The following FERMT2 variants were observed in gnomAD, a reference collection of about 807,000 sequenced individuals.
FERMT2 encodes the protein FERM domain containing kindlin 2.
Under a neutral mutation model 82.7 loss-of-function variants are expected in FERMT2, and 15 were observed. The ratio of observed to expected loss-of-function variants is 0.18; its 90% CI spans 0.12 to 0.28. The LOEUF (loss-of-function observed/expected upper bound fraction) is 0.28, where lower values mean the gene tolerates loss of function less well. Among genes scored for constraint, FERMT2 ranks in the 10% least tolerant of loss-of-function variants. The pLI is 1.00. For synonymous variants in FERMT2, 274 were observed against 271.5 expected, an observed-to-expected ratio of 1.01 and a Z score of -0.09; for missense variants, 645 against 809.4, an observed-to-expected ratio of 0.80 and a Z score of 2.46.
At chr14:52,945,876 AC>A (rs1378199906) in intron 2 of FERMT2, among the ~76,000 whole-genome samples, 3 of 152,216 alleles carry the variant, frequency 2.0e-5, no homozygotes, top group African/African-American at 7.2e-5. Context: ...AAAAAGTGAT[AC>A]TAAAACTCAG....
At chr14:52,927,982 T>C (rs2139665591) in intron 2 of FERMT2, 2 of 375,430 alleles carry the variant, frequency 5.3e-6, no homozygotes, top group Non-Finnish European at 5.4e-6. Context: ...AATGAAGTAA[T>C]TCTTTTTTAA....
At chr14:52,892,805 C>T (rs1293884495) in intron 4 of FERMT2, among the ~76,000 whole-genome samples, 1 of 152,168 alleles carries the variant, frequency 6.6e-6, no homozygotes, top group African/African-American at 2.4e-5. Context: ...TGGTGGTTTT[C>T]ATGAACTAGA....
chr14:52,920,950 G>GA (rs146780949), intron 2 of FERMT2, among the ~76,000 whole-genome samples: 4 of 147,076 alleles, frequency 2.7e-5, no homozygotes, highest in East Asian at 2.0e-4. Context: ...CCTACCTCAA[G>GA]AAAAAAAAAA....
chr14:52,883,653 A>T (rs576272639), intron 4 of FERMT2, among the ~76,000 whole-genome samples: 14 of 152,330 alleles, frequency 9.2e-5, no homozygotes, highest in African/African-American at 3.4e-4. Flanking sequence ...AATCACTGAT[A>T]TGGTTTGGAT....
chr14:52,879,181 G>A (rs991930694), intron 6 of FERMT2, among the ~76,000 whole-genome samples: 5 of 152,140 alleles, frequency 3.3e-5, no homozygotes, highest in South Asian at 2.1e-4. Context: ...CCTTGGAAAC[G>A]GCAGTTATTT....
chr14:52,858,593 G>C lies in FERMT2; in HGVS notation c.1870-43C>G, dbSNP rs765322347. ...GCCATCAGTGCTGTCCCAAATGCTA[G>C]GTGGCTGGGTCCACACAAAACTACT... On this transcript the variant is annotated intron_variant, in intron 14 of 14. Transcript: ENST00000341590. 4 of 1,593,632 alleles carry C rather than the reference G, an allele frequency of 2.5e-6. No homozygotes were observed. In the East Asian group the frequency reaches 9.0e-5, roughly 36 times the overall value.
chr14:52,947,875 C>G (rs1890435211), intron 2 of FERMT2, among the ~76,000 whole-genome samples: 1 of 152,216 alleles, frequency 6.6e-6, no homozygotes, highest in South Asian at 2.1e-4. Flanking sequence ...ATCCTGAGAT[C>G]TATCGACTTC....
At chr14:52,939,520 C>T (rs1008358440) in intron 2 of FERMT2, among the ~76,000 whole-genome samples, 1 of 152,232 alleles carries the variant, frequency 6.6e-6, no homozygotes, top group Non-Finnish European at 1.5e-5. Context: ...ATCATCATAG[C>T]TACATTTACA....
chr14:52,871,847 G>C lies in FERMT2; in HGVS notation c.1273+952C>G, dbSNP rs546318653. The C allele has an allele frequency of 3.9e-4, 60 of 152,452 alleles. 1 individual carries two copies. The South Asian group carries it at 0.012, about 32-fold the overall frequency. The allele number at this position is 152,452 out of a possible 1,614,324, so 9.4% of individuals were successfully genotyped here. On this transcript the variant is annotated intron_variant, in intron 10 of 14. Coordinates refer to ENST00000341590, the MANE Select transcript of FERMT2 (RefSeq NM_006832.3). Reference sequence around the variant, plus strand: ...CTAGTTCTGAGATAGCTTTGGATTTGAAAAGACAGGACAAGAGAAAACCAG... The same window carrying C: ...CTAGTTCTGAGATAGCTTTGGATTTCAAAAGACAGGACAAGAGAAAACCAG...
intron 3 of FERMT2, among the ~76,000 whole-genome samples, chr14:52,895,157 G>A (rs12147852): frequency 0.2 from 30,443 of 152,156 alleles, 3,618 homozygotes; most frequent in East Asian, 0.39. Context: ...AAACCACAAT[G>A]AGATAGCAGT....
intron 9 of FERMT2, among the ~76,000 whole-genome samples, chr14:52,873,140 C>G (rs1423072850): frequency 6.6e-6 from 1 of 152,112 alleles, no homozygotes; most frequent in Non-Finnish European, 1.5e-5. Flanking sequence ...AACAGCGTTC[C>G]GAGGAGAAAG....
intron 3 of FERMT2, among the ~76,000 whole-genome samples, chr14:52,904,117 G>A: frequency 6.6e-6 from 1 of 152,190 alleles, no homozygotes; most frequent in Non-Finnish European, 1.5e-5. Flanking sequence ...AACCAGCCTG[G>A]CGCCTGTAAT....
chr14:52,930,232 T>A (rs187586974), intron 2 of FERMT2, among the ~76,000 whole-genome samples: 97 of 152,296 alleles, frequency 6.4e-4, no homozygotes, highest in Middle Eastern at 3.4e-3. Context: ...CTGTTCTCTC[T>A]CACATCTTCT....
At chr14:52,929,217 C>T (rs1889450204) in intron 2 of FERMT2, among the ~76,000 whole-genome samples, 3 of 152,088 alleles carry the variant, frequency 2.0e-5, no homozygotes, top group African/African-American at 7.2e-5. Context: ...TTGATTTTCG[C>T]TTTCCCTCAT....
At chr14:52,946,304 A>G (rs776456067) in intron 2 of FERMT2, among the ~76,000 whole-genome samples, 2 of 152,038 alleles carry the variant, frequency 1.3e-5, no homozygotes, top group Non-Finnish European at 2.9e-5. Context: ...CTGATATTTC[A>G]TATTTAAAAT....
At chr14:52,949,825 G>A (rs1566768427) in intron 2 of FERMT2, among the ~76,000 whole-genome samples, 1 of 152,054 alleles carries the variant, frequency 6.6e-6, no homozygotes, top group Admixed American at 6.5e-5. Flanking sequence ...GGCTTACATC[G>A]AGCATGGACT....
chr14:52,950,346 A>C, intron 2 of FERMT2, 66 bp downstream of exon 2: 2 of 1,460,180 alleles, frequency 1.4e-6, no homozygotes, highest in Non-Finnish European at 9.4e-7. Flanking sequence ...CCCCGTCGTG[A>C]GCCTCTTTCC....
chr14:52,873,659 C>T (rs1442724942), intron 9 of FERMT2: 1 of 152,430 alleles, frequency 6.6e-6, no homozygotes, highest in Non-Finnish European at 1.5e-5. Context: ...CTTTCCACAT[C>T]ACCTCCTTTT....
intron 3 of FERMT2, among the ~76,000 whole-genome samples, chr14:52,901,607 C>T (rs1041633065): frequency 6.6e-6 from 1 of 152,182 alleles, no homozygotes; most frequent in African/African-American, 2.4e-5. Context: ...AAGACCTTGA[C>T]TTGCTGTTAC....
Sources: gnomAD v4.1 joint callset for allele counts (sites outside exome capture counted in the v4.1 genomes callset) on GRCh38, gnomAD v4.1.1 for gene constraint, MANE v1.5 for transcripts, NCBI Gene and HGNC (gene_info 2026-07-23, HGNC 2026-07-21) for gene names.